Variants in USP25 observed in about 807,000 individuals in gnomAD.
USP25 encodes the protein ubiquitin specific peptidase 25, also known as ubiquitin carboxyl-terminal hydrolase 25.
In USP25, 85 loss-of-function variants were observed where a neutral mutation model predicts 158.5. That is an observed-to-expected ratio of 0.54 (90% confidence interval 0.45 to 0.64). The LOEUF (loss-of-function observed/expected upper bound fraction) is 0.64, where lower values mean the gene tolerates loss of function less well. Among genes scored for constraint, USP25 ranks in the 30% least tolerant of loss-of-function variants. USP25 has a pLI of 0.00. For synonymous variants in USP25, 464 were observed against 460.4 expected (o/e 1.01, Z -0.10); for missense variants, 1,242 against 1,327.3 (o/e 0.94, Z 1.00).
At chr21:15,764,642 A>G (rs2033928071) in intron 2 of USP25, among the ~76,000 whole-genome samples, 1 of 152,146 alleles carries the variant, frequency 6.6e-6, no homozygotes, top group African/African-American at 2.4e-5. Flanking sequence ...TATATGAGGT[A>G]ATATATGAAA....
At chr21:15,831,278 T>C (rs55920012) in intron 15 of USP25, 123 bp from the exon 16 acceptor site, 2 of 827,380 alleles carry the variant, frequency 2.4e-6, no homozygotes, top group African/African-American at 3.5e-5. Flanking sequence ...GCCAGTTCTC[T>C]CTCATTTAAA....
intron 5 of USP25, among the ~76,000 whole-genome samples, chr21:15,796,432 G>A (rs189027416): frequency 5.7e-4 from 86 of 151,514 alleles, no homozygotes; most frequent in African/African-American, 2.1e-3. Flanking sequence ...AAGAAGGATA[G>A]TCATAGAGTG....
At chr21:15,834,232 A>AATAGTTTCTAGTAAAATTGAAAATATAT (rs2037950382) in intron 17 of USP25, among the ~76,000 whole-genome samples, 4 of 152,224 alleles carry the variant, frequency 2.6e-5, no homozygotes, top group Non-Finnish European at 5.9e-5. Flanking sequence ...GAATTAAGAA[A>AATAGTTTCTAGTAAAATTGAAAATATAT]ATAGTTTCTA....
chr21:15,742,122 T>TA (rs397941293), intron 1 of USP25, among the ~76,000 whole-genome samples: 1 of 149,670 alleles, frequency 6.7e-6, no homozygotes, highest in African/African-American at 2.5e-5. Flanking sequence ...TTTTTTTTTT[T>TA]AACAGTTTTT....
At chr21:15,846,402 T>TA (rs1568883171) in intron 18 of USP25, among the ~76,000 whole-genome samples, 3 of 151,766 alleles carry the variant, frequency 2.0e-5, no homozygotes, top group South Asian at 2.1e-4. Context: ...CCTCAAGTGA[T>TA]ACGCCCATCT....
chr21:15,828,590 A>C (rs893632011), intron 14 of USP25, among the ~76,000 whole-genome samples: 7 of 152,218 alleles, frequency 4.6e-5, no homozygotes, highest in African/African-American at 1.2e-4. Context: ...AGAGGTTCCC[A>C]CTCAGGGGAG....
intron 3 of USP25, among the ~76,000 whole-genome samples, chr21:15,772,241 T>C (rs2123464781): frequency 6.6e-6 from 1 of 152,332 alleles, no homozygotes; most frequent in East Asian, 1.9e-4. Flanking sequence ...AGTTGGTGTA[T>C]AAGTTTTACT....
intron 4 of USP25, among the ~76,000 whole-genome samples, chr21:15,787,889 A>G (rs891573284): frequency 1.4e-5 from 2 of 141,554 alleles, no homozygotes; most frequent in Non-Finnish European, 3.0e-5. Flanking sequence ...CAATAAAATA[A>G]TAACACCCCC....
Position 15,877,838 on chromosome 21 carries a change from G to A in USP25, c.3052G>A (p.Asp1018Asn). The change falls in exon 25 of 26, where the codon GAT becomes AAT. Residue 1018 changes from aspartate (D) to asparagine (N), a missense_variant. Transcript: ENST00000400183. Reference sequence around the variant, plus strand: ...CGCAGAACTCTTCGAATCTGGAGAGGATCGAGAAGTAAACAATGGTTTGAT... The same window carrying A: ...CGCAGAACTCTTCGAATCTGGAGAGAATCGAGAAGTAAACAATGGTTTGAT... ...QAAELFESGE[D>N]REVNNGLIIM... 1 of 1,612,830 alleles carries A rather than the reference G, an allele frequency of 6.2e-7. No homozygotes were observed. Among genetic ancestry groups the A allele is most frequent in the Non-Finnish European group, 8.5e-7 (1 of 1,179,412 alleles).
chr21:15,749,529 T>C (rs997131374), intron 1 of USP25, among the ~76,000 whole-genome samples: 1 of 152,254 alleles, frequency 6.6e-6, no homozygotes, highest in Non-Finnish European at 1.5e-5. Context: ...TTCAATTGCA[T>C]GTGTACATTT....
chr21:15,846,122 G>GTATACA (rs1555855582), intron 18 of USP25, among the ~76,000 whole-genome samples: 1 of 55,708 alleles, frequency 1.8e-5, no homozygotes, highest in Admixed American at 3.4e-4. Context: ...GTGTGTGTGT[G>GTATACA]TATATATATA....
intron 23 of USP25, among the ~76,000 whole-genome samples, chr21:15,871,599 G>A (rs1371714734): frequency 6.6e-6 from 1 of 152,054 alleles, no homozygotes; most frequent in African/African-American, 2.4e-5. Flanking sequence ...GAATTAAAAA[G>A]ATGAAACTGT....
chr21:15,746,570 A>G (rs769034380), intron 1 of USP25, among the ~76,000 whole-genome samples: 1 of 151,790 alleles, frequency 6.6e-6, no homozygotes, highest in Non-Finnish European at 1.5e-5. Context: ...AATTTTTTGT[A>G]TTTTTAGTAG....
intron 20 of USP25, among the ~76,000 whole-genome samples, chr21:15,857,090 CATT>C (rs1392671988): frequency 6.6e-6 from 1 of 152,194 alleles, no homozygotes; most frequent in Non-Finnish European, 1.5e-5. Context: ...TAAATCCTAA[CATT>C]ATCATTTAAT....
At chr21:15,810,934 C>T (rs763690041) in intron 8 of USP25, among the ~76,000 whole-genome samples, 3 of 152,154 alleles carry the variant, frequency 2.0e-5, no homozygotes, top group Non-Finnish European at 4.4e-5. Flanking sequence ...GTGCAGCTAT[C>T]ATAGTTATCC....
At chr21:15,761,828 G>A (rs1286989238) in intron 1 of USP25, among the ~76,000 whole-genome samples, 1 of 152,066 alleles carries the variant, frequency 6.6e-6, no homozygotes, top group Non-Finnish European at 1.5e-5. Context: ...TTTCATTCCT[G>A]CTCTAAAGCT....
intron 5 of USP25, among the ~76,000 whole-genome samples, chr21:15,796,562 T>G (rs2035871242): frequency 6.6e-6 from 1 of 151,466 alleles, no homozygotes; most frequent in Non-Finnish European, 1.5e-5. Context: ...TCTTAGACTG[T>G]GAGTTGGAAT....
intron 17 of USP25, among the ~76,000 whole-genome samples, chr21:15,834,447 T>G (rs2037962500): frequency 6.6e-6 from 1 of 152,174 alleles, no homozygotes; most frequent in East Asian, 1.9e-4. Context: ...TTTTTTTTTT[T>G]GCAAGATCTG....
At chr21:15,779,744 A>G (rs942090237) in intron 4 of USP25, among the ~76,000 whole-genome samples, 1 of 151,978 alleles carries the variant, frequency 6.6e-6, no homozygotes, top group Non-Finnish European at 1.5e-5. Flanking sequence ...TAGGTCTTTT[A>G]CATTTTAATA....
Sources: gnomAD v4.1 joint callset for allele counts (sites outside exome capture counted in the v4.1 genomes callset) on GRCh38, gnomAD v4.1.1 for gene constraint, MANE v1.5 for transcripts, NCBI Gene and HGNC (gene_info 2026-07-23, HGNC 2026-07-21) for gene names.